Variants in DTD1 observed in about 807,000 individuals in gnomAD.
DTD1 encodes D-tyrosyl-tRNA deacylase 1 homolog.
In DTD1, 13 loss-of-function variants were observed where a neutral mutation model predicts 25.6. The observed-to-expected ratio is 0.51, with a 90% CI of 0.33 to 0.81. The LOEUF (loss-of-function observed/expected upper bound fraction) is 0.81. Ranked by LOEUF, DTD1 falls within the 30% of genes least tolerant of loss-of-function variation. DTD1 has a pLI of 0.02. For missense variants in DTD1, 193 were observed against 266.4 expected, an observed-to-expected ratio of 0.72 and a Z score of 1.92; for synonymous variants, 110 against 103.6, an observed-to-expected ratio of 1.06 and a Z score of -0.37.
At chr20:18,743,212 CT>C (rs1004528081) in intron 4 of DTD1, among the ~76,000 whole-genome samples, 8 of 152,156 alleles carry the variant, frequency 5.3e-5, no homozygotes, top group Admixed American at 4.6e-4. Context: ...CCCTGCTGGC[CT>C]GGTGGGAGCC....
chr20:18,589,583 T>C (rs1325580461), intron 1 of DTD1, among the ~76,000 whole-genome samples: 2 of 152,196 alleles, frequency 1.3e-5, no homozygotes, highest in Non-Finnish European at 2.9e-5. Flanking sequence ...AAAGCTTTTA[T>C]AACATTTCTG....
intron 4 of DTD1, among the ~76,000 whole-genome samples, chr20:18,669,269 C>T (rs1568663688): frequency 6.6e-6 from 1 of 152,158 alleles, no homozygotes; most frequent in South Asian, 2.1e-4. Flanking sequence ...TCAGGGTTTG[C>T]CAGCAGGGTC....
intron 4 of DTD1, among the ~76,000 whole-genome samples, chr20:18,629,663 TCATACTGCTATAAAGAAATACCTGAGA>T (rs764523457): frequency 2.0e-5 from 3 of 151,674 alleles, no homozygotes; most frequent in Non-Finnish European, 4.4e-5. Flanking sequence ...TAGTTTATTC[TCATACTGCTATAAAGAAATACCTGAGA>T]CAGGGTAATT....
chr20:18,616,582 G>A (rs2060709687), intron 3 of DTD1, among the ~76,000 whole-genome samples: 1 of 151,928 alleles, frequency 6.6e-6, no homozygotes, highest in African/African-American at 2.4e-5. Flanking sequence ...CAGCCCAGGA[G>A]TTCTAGACCA....
Position 18,594,933 on chromosome 20 carries a change from C to T in DTD1, c.135-1073C>T, listed in dbSNP as rs142172525. ...GAGGGGGTAATGAGTAGCACCTGTCCCTGAGGGTGCCCATATTAAGAGTCA... is the reference window on the plus strand; with the variant it reads ...GAGGGGGTAATGAGTAGCACCTGTCTCTGAGGGTGCCCATATTAAGAGTCA... On this transcript the variant is annotated intron_variant, in intron 2 of 5. Transcript: ENST00000377452. 5.9e-5 allele frequency among the ~76,000 whole-genome samples: 9 copies of T among 152,222 alleles called. No homozygotes were observed. In the East Asian group the frequency reaches 1.7e-3, roughly 29 times the overall value.
At chr20:18,677,324 G>A (rs116951655) in intron 4 of DTD1, among the ~76,000 whole-genome samples, 1,889 of 151,900 alleles carry the variant, frequency 0.012, 27 homozygotes, top group African/African-American at 0.016. Context: ...ACTTGTTGCT[G>A]AAGAATCCGT....
intron 3 of DTD1, among the ~76,000 whole-genome samples, chr20:18,615,707 C>T (rs2122286299): frequency 6.6e-6 from 1 of 152,296 alleles, no homozygotes; most frequent in Admixed American, 6.5e-5. Context: ...GAAGCTGCTA[C>T]AGTATTCAAA....
chr20:18,695,496 TTTCCCTTCCC>T (rs1236295942), intron 4 of DTD1, among the ~76,000 whole-genome samples: 1 of 50,044 alleles, frequency 2.0e-5, no homozygotes, highest in African/African-American at 5.9e-5. Flanking sequence ...CTTCCTTTCC[TTTCCCTTCCC>T]TTCCCTTCCC....
chr20:18,726,527 C>T (rs981413063), intron 4 of DTD1, among the ~76,000 whole-genome samples: 16 of 152,280 alleles, frequency 1.1e-4, no homozygotes, highest in Middle Eastern at 3.4e-3. Flanking sequence ...ATGTCAGCTG[C>T]CTTCACCAAA....
intron 3 of DTD1, among the ~76,000 whole-genome samples, chr20:18,619,510 C>T (rs1051671445): frequency 6.6e-6 from 1 of 152,042 alleles, no homozygotes; most frequent in African/African-American, 2.4e-5. Flanking sequence ...CTGCAACCTC[C>T]GCCTCCTGGG....
At chr20:18,713,587 G>A (rs1050309506) in intron 4 of DTD1, among the ~76,000 whole-genome samples, 1 of 152,162 alleles carries the variant, frequency 6.6e-6, no homozygotes, top group Non-Finnish European at 1.5e-5. Context: ...CTTAGCCTGG[G>A]TTCACGTCCC....
intron 5 of DTD1, among the ~76,000 whole-genome samples, chr20:18,760,196 C>T (rs1326538117): frequency 6.6e-6 from 1 of 152,102 alleles, no homozygotes; most frequent in Non-Finnish European, 1.5e-5. Context: ...TCCTTTAGCT[C>T]GGAGTGGTTT....
intron 5 of DTD1, among the ~76,000 whole-genome samples, chr20:18,751,615 C>A (rs1166020042): frequency 6.6e-6 from 1 of 152,044 alleles, no homozygotes; most frequent in Non-Finnish European, 1.5e-5. Flanking sequence ...GCCTCAGCCT[C>A]CCTAGTAGCT....
intron 4 of DTD1, among the ~76,000 whole-genome samples, chr20:18,673,141 T>C (rs1349944612): frequency 6.6e-6 from 1 of 152,250 alleles, no homozygotes; most frequent in Non-Finnish European, 1.5e-5. Context: ...GTTTCCACAG[T>C]CTTGTTATTA....
chr20:18,752,180 A>G (rs146823625), intron 5 of DTD1, among the ~76,000 whole-genome samples: 80 of 151,480 alleles, frequency 5.3e-4, no homozygotes, highest in African/African-American at 1.9e-3. Flanking sequence ...CTTGCTTGGT[A>G]TTTTCTGAGC....
intron 3 of DTD1, among the ~76,000 whole-genome samples, chr20:18,609,126 T>C (rs1032518769): frequency 6.6e-6 from 1 of 151,948 alleles, no homozygotes; most frequent in Non-Finnish European, 1.5e-5. Context: ...AGTTACACCC[T>C]TTTGTAGACA....
chr20:18,735,553 G>T (rs1313961790), intron 4 of DTD1, among the ~76,000 whole-genome samples: 2 of 152,150 alleles, frequency 1.3e-5, no homozygotes, highest in Admixed American at 1.3e-4. Context: ...TTGATTTTTC[G>T]GAATGCCAAA....
intron 4 of DTD1, among the ~76,000 whole-genome samples, chr20:18,638,032 C>A (rs974573623): frequency 2.0e-5 from 3 of 152,222 alleles, no homozygotes; most frequent in African/African-American, 7.2e-5. Context: ...TTTCTTCCTG[C>A]CTTTGGCTCC....
At chr20:18,631,078 T>G (rs1313670484) in intron 4 of DTD1, 1 of 985,314 alleles carries the variant, frequency 1.0e-6, no homozygotes, top group Admixed American at 6.1e-5. Context: ...TCTGGCTCAT[T>G]CACAGCAGAC....
Sources: gnomAD v4.1 joint callset for allele counts (sites outside exome capture counted in the v4.1 genomes callset) on GRCh38, gnomAD v4.1.1 for gene constraint, MANE v1.5 for transcripts, NCBI Gene and HGNC (gene_info 2026-07-23, HGNC 2026-07-21) for gene names.